The following HAPLN1 variants were observed in gnomAD, a reference collection of about 807,000 sequenced individuals.
HAPLN1 encodes Cartilage link protein.
Under a neutral mutation model 36.5 loss-of-function variants are expected in HAPLN1, and 13 were observed. The ratio of observed to expected loss-of-function variants is 0.36; its 90% confidence interval spans 0.23 to 0.57. The LOEUF (loss-of-function observed/expected upper bound fraction) is 0.57, where lower values mean the gene tolerates loss of function less well. Among genes scored for constraint, HAPLN1 ranks in the 20% least tolerant of loss-of-function variants. HAPLN1 has a pLI of 0.83. For missense variants in HAPLN1, 407 were observed against 439.7 expected (o/e 0.93, Z 0.66); for synonymous variants, 202 against 169.8 (o/e 1.19, Z -1.48).
At chr5:83,697,453 A>G (rs1751415217) in intron 1 of HAPLN1, among the ~76,000 whole-genome samples, 1 of 152,166 alleles carries the variant, frequency 6.6e-6, no homozygotes, top group South Asian at 2.1e-4. Flanking sequence ...TTGATGGACA[A>G]TTGAGTTATT....
At chr5:83,690,507 G>A (rs1404556334) in intron 1 of HAPLN1, among the ~76,000 whole-genome samples, 1 of 151,980 alleles carries the variant, frequency 6.6e-6, no homozygotes, top group African/African-American at 2.4e-5. Flanking sequence ...GAAATATGTT[G>A]GAATCTAGAA....
At chr5:83,686,681 G>C (rs1751135805) in intron 1 of HAPLN1, among the ~76,000 whole-genome samples, 1 of 152,062 alleles carries the variant, frequency 6.6e-6, no homozygotes, top group Non-Finnish European at 1.5e-5. Flanking sequence ...CCCCTTCACT[G>C]TATAGCCCCC....
At chr5:83,645,483 T>TTTTTTTTTTTC in intron 3 of HAPLN1, among the ~76,000 whole-genome samples, 1 of 139,584 alleles carries the variant, frequency 7.2e-6, no homozygotes, top group African/African-American at 2.7e-5. Context: ...TTCTTTTTTT[T>TTTTTTTTTTTC]TTTTTTTTAG....
chr5:83,673,709 G>C (rs1750789895), intron 1 of HAPLN1, 160 bp from the exon 2 acceptor site: 1 of 550,684 alleles, frequency 1.8e-6, no homozygotes, highest in Non-Finnish European at 3.2e-6. Context: ...AAGAGCCGAA[G>C]ACGGCAGCTT....
At chr5:83,661,301 C>T (rs1438199019) in intron 2 of HAPLN1, among the ~76,000 whole-genome samples, 3 of 151,938 alleles carry the variant, frequency 2.0e-5, no homozygotes, top group African/African-American at 4.8e-5. Flanking sequence ...TCTGCCCCTT[C>T]CTCTATTTCC....
At chr5:83,657,140 G>A (rs1376577772) in intron 2 of HAPLN1, among the ~76,000 whole-genome samples, 1 of 151,504 alleles carries the variant, frequency 6.6e-6, no homozygotes, top group Non-Finnish European at 1.5e-5. Flanking sequence ...TTGTTGCCCA[G>A]GCTGGAGTGC....
intron 4 of HAPLN1, among the ~76,000 whole-genome samples, chr5:83,642,080 T>G (rs1749719421): frequency 6.6e-6 from 1 of 152,162 alleles, no homozygotes; most frequent in African/African-American, 2.4e-5. Flanking sequence ...AAAAGAGCCC[T>G]TCTGTGGCAC....
chr5:83,659,345 G>A (rs1750315817), intron 2 of HAPLN1, among the ~76,000 whole-genome samples: 1 of 152,022 alleles, frequency 6.6e-6, no homozygotes, highest in Non-Finnish European at 1.5e-5. Context: ...ACTTTGACCT[G>A]AAGATACAAA....
At chr5:83,676,896 A>G (rs1024225484) in intron 1 of HAPLN1, among the ~76,000 whole-genome samples, 2 of 152,214 alleles carry the variant, frequency 1.3e-5, no homozygotes, top group African/African-American at 4.8e-5. Context: ...GTTCATAGTC[A>G]AAGACAGATA....
chr5:83,706,104 G>GA (rs200981513), intron 1 of HAPLN1, among the ~76,000 whole-genome samples: 2,258 of 126,566 alleles, frequency 0.018, 31 homozygotes, highest in African/African-American at 0.041. Flanking sequence ...CCTACCAATC[G>GA]AAAAAAAAAA....
chr5:83,687,013 T>C (rs1676725895), intron 1 of HAPLN1, among the ~76,000 whole-genome samples: 1 of 152,092 alleles, frequency 6.6e-6, no homozygotes, highest in African/African-American at 2.4e-5. Flanking sequence ...GAAGTGAAGG[T>C]GACAGGTATT....
chr5:83,686,092 C>T (rs1049182892), intron 1 of HAPLN1: 8 of 133,468 alleles, frequency 6.0e-5, no homozygotes, highest in Admixed American at 6.0e-4. Context: ...TGAAATTGTA[C>T]TATCACCAAT....
intron 1 of HAPLN1, among the ~76,000 whole-genome samples, chr5:83,719,759 T>A (rs1295765307): frequency 6.6e-6 from 1 of 152,088 alleles, no homozygotes; most frequent in Admixed American, 6.6e-5. Flanking sequence ...ACAGAAATAA[T>A]CACATAGAAA....
Position 83,666,196 on chromosome 5 carries a change from A to G in HAPLN1, c.100+7228T>C, listed in dbSNP as rs531009235. ...CCAAAATGGTAATTTTCCACTTTCC[A>G]CTTAAAGAACATAATCAATAAAGAA... On this transcript the variant is annotated intron_variant, in intron 2 of 4. Coordinates refer to ENST00000274341, the MANE Select transcript of HAPLN1 (RefSeq NM_001884.4). Among the ~76,000 whole-genome samples the G allele has an allele frequency of 8.5e-5, 13 of 152,220 alleles. No individual in the cohort carries two copies. In the South Asian group the frequency reaches 1.2e-3, roughly 15 times the overall value.
chr5:83,681,025 C>T (rs899961094), intron 1 of HAPLN1, among the ~76,000 whole-genome samples: 1 of 152,066 alleles, frequency 6.6e-6, no homozygotes, highest in African/African-American at 2.4e-5. Flanking sequence ...GTTAGACATA[C>T]TCATATAGGA....
chr5:83,658,509 G>C (rs1010710050), intron 2 of HAPLN1, among the ~76,000 whole-genome samples: 15 of 152,122 alleles, frequency 9.9e-5, no homozygotes, highest in African/African-American at 3.6e-4. Flanking sequence ...GTACATTAAA[G>C]ACACCATATT....
intron 1 of HAPLN1, among the ~76,000 whole-genome samples, chr5:83,691,611 A>G (rs1009510636): frequency 1.3e-5 from 2 of 152,016 alleles, no homozygotes; most frequent in Non-Finnish European, 2.9e-5. Context: ...AAGTACCTTA[A>G]CCATATCTCT....
chr5:83,699,654 C>T (rs1751463200), intron 1 of HAPLN1, among the ~76,000 whole-genome samples: 1 of 152,156 alleles, frequency 6.6e-6, no homozygotes, highest in Non-Finnish European at 1.5e-5. Context: ...TCCTGTCCTG[C>T]TCACCAATAT....
Position 83,639,276 on chromosome 5 carries a change from T to C in HAPLN1, c.*2220A>G, listed in dbSNP as rs922885649. On this transcript the variant is annotated 3_prime_UTR_variant, in exon 5 of 5. Transcript: ENST00000274341. ...CTCAGCAGTATTCACTGTGTTAAGA[T>C]TTTTTGTTTTTTACACGAATGGAAA... is the stretch of plus-strand genomic sequence containing the variant. The C allele has an allele frequency of 6.6e-6, 1 of 152,034 alleles. No individual in the cohort carries two copies. Among genetic ancestry groups the C allele is most frequent in the African/African-American group, 2.4e-5 (1 of 41,444 alleles). 9.4% of individuals were successfully genotyped at this position (152,034 alleles called of 1,614,324 possible).
Sources: gnomAD v4.1 joint callset for allele counts (sites outside exome capture counted in the v4.1 genomes callset) on GRCh38, gnomAD v4.1.1 for gene constraint, MANE v1.5 for transcripts, NCBI Gene and HGNC (gene_info 2026-07-23, HGNC 2026-07-21) for gene names.